The following MCTP2 variants were observed in gnomAD, a reference collection of about 807,000 sequenced individuals.
MCTP2 encodes the protein multiple C2 and transmembrane domain-containing protein 2.
Under a neutral mutation model 111.6 loss-of-function variants are expected in MCTP2, and 132 were observed. The ratio of observed to expected loss-of-function variants is 1.18; its 90% CI spans 1.03 to 1.37. The LOEUF (loss-of-function observed/expected upper bound fraction) is 1.37, where lower values mean the gene tolerates loss of function less well. Among genes scored for constraint, MCTP2 ranks in the 40% most tolerant of loss-of-function variants. MCTP2 has a pLI of 0.00. For missense variants in MCTP2, 1,183 were observed against 1,067.9 expected, an observed-to-expected ratio of 1.11 and a Z score of -1.50; for synonymous variants, 395 against 387.7, an observed-to-expected ratio of 1.02 and a Z score of -0.22.
intron 17 of MCTP2, among the ~76,000 whole-genome samples, chr15:94,437,268 T>A (rs1226862422): frequency 6.6e-6 from 1 of 150,864 alleles, no homozygotes; most frequent in Non-Finnish European, 1.5e-5. Flanking sequence ...ATTTTCTACA[T>A]CAGATCTACA....
chr15:94,294,079 A>G (rs2075149820), intron 1 of MCTP2, among the ~76,000 whole-genome samples: 1 of 152,210 alleles, frequency 6.6e-6, no homozygotes, highest in Non-Finnish European at 1.5e-5. Flanking sequence ...ATGAATCTCA[A>G]AGGTAACGTG....
intron 19 of MCTP2, among the ~76,000 whole-genome samples, chr15:94,446,913 C>A (rs1448044030): frequency 6.6e-6 from 1 of 152,156 alleles, no homozygotes; most frequent in Admixed American, 6.5e-5. Flanking sequence ...CAGATATGGA[C>A]ATTTTCCTTT....
At chr15:94,239,156 G>A (rs1480596182) in intron 1 of MCTP2, among the ~76,000 whole-genome samples, 3 of 152,172 alleles carry the variant, frequency 2.0e-5, no homozygotes, top group Admixed American at 6.5e-5. Flanking sequence ...TATGAAGCAT[G>A]TTTGGATTTA....
intron 21 of MCTP2, among the ~76,000 whole-genome samples, chr15:94,474,813 T>C (rs566556012): frequency 6.6e-6 from 1 of 152,264 alleles, no homozygotes; most frequent in East Asian, 1.9e-4. Context: ...AAATAAGGTG[T>C]GCATTTGAAA....
At position 94,399,068 on chromosome 15, in the gene MCTP2, T is replaced by C; in HGVS notation, c.1890+6T>C. Reference sequence around the variant, plus strand: ...TGGACCTTATATATAATCCGGTAAGTCTAGCTGGGTCATACTTCCCGGCTT... The same window carrying C: ...TGGACCTTATATATAATCCGGTAAGCCTAGCTGGGTCATACTTCCCGGCTT... On this transcript the variant is annotated splice_donor_region_variant and intron_variant, in intron 15 of 22. Transcript: ENST00000357742. 1 of 1,398,494 alleles carries C rather than the reference T, an allele frequency of 7.2e-7. No homozygotes were observed. 86.6% of individuals were successfully genotyped at this position (1,398,494 alleles called of 1,614,324 possible). A position where few individuals can be genotyped will look rare whatever the true frequency, so the allele number is the denominator to read the frequency against.
chr15:94,331,915 G>T (rs79220145), intron 4 of MCTP2, among the ~76,000 whole-genome samples: 1 of 152,180 alleles, frequency 6.6e-6, no homozygotes, highest in South Asian at 2.1e-4. Context: ...GGAAGAAACT[G>T]TTCTGTGGTT....
chr15:94,440,148 C>T lies in MCTP2; in HGVS notation c.2086-28C>T, dbSNP rs771291947. ...CTCCCCTAGTGTTTTATCAAGCAGT[C>T]GTGTATTCTTATTTGTCTTTCAATC... On this transcript the variant is annotated intron_variant, in intron 17 of 22. Coordinates refer to ENST00000357742, the MANE Select transcript of MCTP2 (RefSeq NM_001385001.1). 6.2e-6 allele frequency: 10 copies of T among 1,611,362 alleles called. No homozygotes were observed. The South Asian group carries it at 6.6e-5, about 11-fold the overall frequency.
chr15:94,434,727 G>T (rs112707580), intron 17 of MCTP2, among the ~76,000 whole-genome samples: 2,434 of 152,214 alleles, frequency 0.016, 31 homozygotes, highest in Non-Finnish European at 0.025. Flanking sequence ...GTATAAGTCT[G>T]TCTTTTCACC....
rs773307490 is a variant in MCTP2 at position 94,303,064 on chromosome 15, A to ATATATATATATATATATAGTT, written c.465+4344_465+4345insTATATATAGTTTATATATATA. Among the ~76,000 whole-genome samples the ATATATATATATATATATAGTT allele has an allele frequency of 5.8e-3, 736 of 125,900 alleles. 18 individuals carry two copies. Among genetic ancestry groups the ATATATATATATATATATAGTT allele is most frequent in the African/African-American group, 0.021 (699 of 33,186 alleles). The allele number at this position is 125,900 out of a possible 152,430, so 82.6% of individuals were successfully genotyped here. ...TCTAGAGGGGCAGAACTAATGGAAT[A>ATATATATATATATATATAGTT]TATATATATAGTTTATATATATATA... is the stretch of plus-strand genomic sequence containing the variant. On this transcript the variant is annotated intron_variant, in intron 2 of 22. Transcript: ENST00000357742.
At chr15:94,373,547 G>A (rs2079597207) in intron 12 of MCTP2, among the ~76,000 whole-genome samples, 1 of 152,028 alleles carries the variant, frequency 6.6e-6, no homozygotes, top group South Asian at 2.1e-4. Context: ...ATTTGATTGT[G>A]GTTGAAGCTA....
At chr15:94,337,021 GTCATC>G (rs1411910279) in intron 4 of MCTP2, among the ~76,000 whole-genome samples, 1 of 152,040 alleles carries the variant, frequency 6.6e-6, no homozygotes, top group African/African-American at 2.4e-5. Flanking sequence ...CCATTCAGGT[GTCATC>G]TCATCATTTG....
chr15:94,406,238 A>G lies in MCTP2; in HGVS notation c.2085+4219A>G, dbSNP rs963578188. ...CCTGCTGATGTAGGTGGTGATTACTATCTTCTTTTTACAGATGAGAAAAAT... is the reference window on the plus strand; with the variant it reads ...CCTGCTGATGTAGGTGGTGATTACTGTCTTCTTTTTACAGATGAGAAAAAT... On this transcript the variant is annotated intron_variant, in intron 17 of 22. Transcript: ENST00000357742. Among the ~76,000 whole-genome samples the G allele has an allele frequency of 3.3e-5, 5 of 152,196 alleles. No homozygotes were observed. The South Asian group carries it at 6.2e-4, about 19-fold the overall frequency.
intron 2 of MCTP2, among the ~76,000 whole-genome samples, chr15:94,301,754 T>C (rs1470342218): frequency 6.6e-6 from 1 of 152,184 alleles, no homozygotes; most frequent in East Asian, 1.9e-4. Context: ...ATATGATAAT[T>C]GAAATTAGAG....
Position 94,480,108 on chromosome 15 carries a change from C to T in MCTP2, c.*1074C>T, listed in dbSNP as rs1390736417. On this transcript the variant is annotated 3_prime_UTR_variant, in exon 23 of 23. Coordinates refer to ENST00000357742, the MANE Select transcript of MCTP2 (RefSeq NM_001385001.1). ...AGAGTCCTCATTTGATAGCATCTGT[C>T]TCCTGCAGACCTCATCATTCCACAG... The T allele has an allele frequency of 6.6e-6, 1 of 152,152 alleles. No homozygotes were observed. 9.4% of individuals were successfully genotyped at this position (152,152 alleles called of 1,614,324 possible). A position where few individuals can be genotyped will look rare whatever the true frequency, so the allele number is the denominator to read the frequency against.
At chr15:94,378,939 A>T (rs1403781792) in intron 12 of MCTP2, among the ~76,000 whole-genome samples, 1 of 152,224 alleles carries the variant, frequency 6.6e-6, no homozygotes, top group South Asian at 2.1e-4. Flanking sequence ...GAACAGGTAC[A>T]TCATACAGCA....
At chr15:94,447,715 G>C (rs2084202343) in intron 19 of MCTP2, among the ~76,000 whole-genome samples, 1 of 152,116 alleles carries the variant, frequency 6.6e-6, no homozygotes, top group Non-Finnish European at 1.5e-5. Context: ...ACAGTAAATT[G>C]GTTAGATTAG....
chr15:94,354,696 T>C (rs1000289374), intron 8 of MCTP2, among the ~76,000 whole-genome samples: 11 of 152,222 alleles, frequency 7.2e-5, no homozygotes, highest in African/African-American at 2.7e-4. Context: ...CTTGAATGTA[T>C]TTTGTTTAAG....
intron 19 of MCTP2, among the ~76,000 whole-genome samples, chr15:94,444,882 G>A (rs2552174): frequency 0.11 from 16,293 of 152,108 alleles, 1,037 homozygotes; most frequent in African/African-American, 0.17. Flanking sequence ...TGTCCTCCCC[G>A]CTTTAGGAAT....
chr15:94,403,431 G>T (rs191164853), intron 17 of MCTP2, among the ~76,000 whole-genome samples: 1 of 152,304 alleles, frequency 6.6e-6, no homozygotes, highest in East Asian at 1.9e-4. Context: ...GGGCAAAAGA[G>T]GAAAGTGAAC....
Sources: allele counts gnomAD v4.1 joint callset (sites outside exome capture counted in the v4.1 genomes callset), GRCh38; gene constraint gnomAD v4.1.1; transcripts MANE v1.5; gene names NCBI Gene and HGNC (gene_info 2026-07-23, HGNC 2026-07-21).